The following PHTF2 variants were observed in gnomAD, a reference collection of about 807,000 sequenced individuals.
The protein encoded by PHTF2 is protein PHTF2.
In PHTF2, 60 loss-of-function variants were observed where a neutral mutation model predicts 101.2. The ratio of observed to expected loss-of-function variants is 0.59; its 90% CI spans 0.48 to 0.73. The LOEUF is 0.73. PHTF2 is among the 30% of genes least tolerant of loss of function. The pLI is 0.00. For missense variants in PHTF2, 747 were observed against 908.7 expected (o/e 0.82, Z 2.29); for synonymous variants, 311 against 307.3 (o/e 1.01, Z -0.13).
At chr7:77,875,510 T>A (rs1441804705) in intron 3 of PHTF2, among the ~76,000 whole-genome samples, 1 of 150,144 alleles carries the variant, frequency 6.7e-6, no homozygotes, top group African/African-American at 2.5e-5. Context: ...GTTATATTTG[T>A]TGACTAATAA....
intron 10 of PHTF2, among the ~76,000 whole-genome samples, chr7:77,922,144 T>A (rs1803538164): frequency 6.7e-6 from 1 of 148,962 alleles, no homozygotes; most frequent in African/African-American, 2.5e-5. Flanking sequence ...CACCTCACTC[T>A]CCTGAATAGC....
At chr7:77,916,159 T>C (rs146387372) in intron 9 of PHTF2, among the ~76,000 whole-genome samples, 1 of 152,378 alleles carries the variant, frequency 6.6e-6, no homozygotes, top group East Asian at 1.9e-4. Flanking sequence ...GCATTCTGTT[T>C]ATTTTTGTGC....
Position 77,822,904 on chromosome 7 carries a change from CTT to C in PHTF2, c.-35-17300_-35-17299del, listed in dbSNP as rs35785317. On this transcript the variant is annotated intron_variant, in intron 1 of 19. Coordinates refer to ENST00000416283, the Ensembl canonical transcript of PHTF2. ...CCTCTGAAATTAAAAATATTTAAAT[CTT>C]TTTTTTTTTTTTTTTTGAGACGGAG... is the stretch of plus-strand genomic sequence containing the variant. 8.5e-3 allele frequency among the ~76,000 whole-genome samples: 1,006 copies of C among 118,394 alleles called. 11 individuals carry two copies. The highest frequency in any genetic ancestry group is 0.029 in the African/African-American group (847 of 29,054). 77.7% of individuals were successfully genotyped at this position (118,394 alleles called of 152,430 possible).
intron 9 of PHTF2, among the ~76,000 whole-genome samples, chr7:77,917,905 A>G (rs1803083948): frequency 6.6e-6 from 1 of 152,226 alleles, no homozygotes; most frequent in South Asian, 2.1e-4. Flanking sequence ...AGAAGCATCA[A>G]ATACCTACTA....
intron 16 of PHTF2, among the ~76,000 whole-genome samples, chr7:77,943,009 A>C (rs182951381): frequency 4.5e-4 from 68 of 152,342 alleles, no homozygotes; most frequent in African/African-American, 1.6e-3. Context: ...CAGATTAATT[A>C]ATTTTTGCCT....
chr7:77,843,292 C>T (rs930858130), intron 2 of PHTF2, among the ~76,000 whole-genome samples: 1 of 151,950 alleles, frequency 6.6e-6, no homozygotes, highest in Non-Finnish European at 1.5e-5. Context: ...CTTTTTTTCC[C>T]CTTTGCTTGG....
At chr7:77,923,621 A>G in intron 11 of PHTF2, 1 of 982,372 alleles carries the variant, frequency 1.0e-6, no homozygotes, top group African/African-American at 1.7e-5. Context: ...ACAGACACTA[A>G]TGCCAGTGTG....
chr7:77,871,426 G>T (rs999028292), intron 3 of PHTF2, among the ~76,000 whole-genome samples: 1 of 152,154 alleles, frequency 6.6e-6, no homozygotes, highest in Non-Finnish European at 1.5e-5. Flanking sequence ...TTAACTTCCA[G>T]TTTAATGGAG....
intron 16 of PHTF2, among the ~76,000 whole-genome samples, chr7:77,943,418 C>T (rs555530434): frequency 2.0e-5 from 3 of 152,278 alleles, no homozygotes; most frequent in South Asian, 2.1e-4. Flanking sequence ...TGAGCCACAG[C>T]GCCCGACCTA....
intron 3 of PHTF2, among the ~76,000 whole-genome samples, chr7:77,860,490 A>G (rs1396493286): frequency 6.6e-6 from 1 of 152,116 alleles, no homozygotes; most frequent in Non-Finnish European, 1.5e-5. Flanking sequence ...GAGTTTCTTA[A>G]CTTTCCTAAG....
intron 15 of PHTF2, among the ~76,000 whole-genome samples, chr7:77,941,158 T>G (rs985562143): frequency 1.3e-5 from 2 of 152,222 alleles, no homozygotes; most frequent in African/African-American, 4.8e-5. Context: ...GCACTGTCTG[T>G]ATCTTAGTAA....
At chr7:77,873,905 A>G (rs1378354581) in intron 3 of PHTF2, among the ~76,000 whole-genome samples, 1 of 152,122 alleles carries the variant, frequency 6.6e-6, no homozygotes, top group Non-Finnish European at 1.5e-5. Context: ...CTGTTTTTCT[A>G]CAATTTCAGC....
chr7:77,863,903 G>A (rs980294670), intron 3 of PHTF2, among the ~76,000 whole-genome samples: 3 of 151,072 alleles, frequency 2.0e-5, no homozygotes, highest in African/African-American at 7.3e-5. Context: ...AGCCTTCCAA[G>A]TAGCTGGGGA....
chr7:77,864,746 T>TTG (rs918482101), intron 3 of PHTF2, among the ~76,000 whole-genome samples: 2 of 152,090 alleles, frequency 1.3e-5, no homozygotes, highest in African/African-American at 4.8e-5. Flanking sequence ...TATGGGAAAG[T>TTG]TGTGTGTGTT....
chr7:77,925,234 T>G (rs1047063794), intron 11 of PHTF2, among the ~76,000 whole-genome samples: 3 of 152,196 alleles, frequency 2.0e-5, no homozygotes, highest in Admixed American at 2.0e-4. Context: ...AAGAAAGCAT[T>G]TATAAGTCCA....
At chr7:77,927,225 A>ACACAC (rs1562957675) in intron 11 of PHTF2, among the ~76,000 whole-genome samples, 2 of 121,416 alleles carry the variant, frequency 1.6e-5, no homozygotes, top group Non-Finnish European at 3.9e-5. Flanking sequence ...CACACACACA[A>ACACAC]ACACACACAT....
chr7:77,813,060 T>C (rs1793574430), intron 1 of PHTF2, among the ~76,000 whole-genome samples: 1 of 152,242 alleles, frequency 6.6e-6, no homozygotes, highest in Non-Finnish European at 1.5e-5. Flanking sequence ...TAGTCATCTA[T>C]AGATGCATGG....
intron 1 of PHTF2, among the ~76,000 whole-genome samples, chr7:77,814,511 G>T (rs967800685): frequency 2.7e-5 from 4 of 149,712 alleles, no homozygotes; most frequent in Non-Finnish European, 5.9e-5. Flanking sequence ...CACTTGGGGG[G>T]CATTTTTTTT....
At chr7:77,899,684 T>C (rs1801203357) in intron 5 of PHTF2, among the ~76,000 whole-genome samples, 1 of 152,220 alleles carries the variant, frequency 6.6e-6, no homozygotes, top group Admixed American at 6.5e-5. Flanking sequence ...TTCTCTTCTT[T>C]GTTTTAGATT....
Sources: allele counts gnomAD v4.1 joint callset (sites outside exome capture counted in the v4.1 genomes callset), GRCh38; gene constraint gnomAD v4.1.1; transcripts MANE v1.5; gene names NCBI Gene and HGNC (gene_info 2026-07-23, HGNC 2026-07-21).